The following PRDM16 variants were observed in gnomAD, a reference collection of about 807,000 sequenced individuals.
PRDM16 encodes PR/SET domain 16, also known as histone-lysine N-methyltransferase PRDM16.
Under a neutral mutation model 110.6 loss-of-function variants are expected in PRDM16, and 23 were observed. That is an observed-to-expected ratio of 0.21 (90% CI 0.15 to 0.29). PRDM16 has a LOEUF of 0.29. Among genes scored for constraint, PRDM16 ranks in the 10% least tolerant of loss-of-function variants. PRDM16 has a pLI of 1.00. For missense variants in PRDM16, 1,615 were observed against 1,794.3 expected, an observed-to-expected ratio of 0.90 and a Z score of 1.81; for synonymous variants, 799 against 781.8, an observed-to-expected ratio of 1.02 and a Z score of -0.37.
chr1:3,259,581 C>G (rs1227196470), intron 3 of PRDM16, among the ~76,000 whole-genome samples: 1 of 152,332 alleles, frequency 6.6e-6, no homozygotes, highest in African/African-American at 2.4e-5. Context: ...AGCGGCAAAT[C>G]AGGCCCCCCC....
chr1:3,136,568 C>T (rs1643443781), intron 1 of PRDM16, among the ~76,000 whole-genome samples: 1 of 152,176 alleles, frequency 6.6e-6, no homozygotes, highest in Admixed American at 6.5e-5. Flanking sequence ...GGGCTCTGGG[C>T]CAGCTCCAAG....
At position 3,175,676 on chromosome 1, in the gene PRDM16, C is replaced by T. The variant is rs948416581; in HGVS notation, c.38-10449C>T. On this transcript the variant is annotated intron_variant, in intron 1 of 16. Coordinates refer to ENST00000270722, the MANE Select transcript of PRDM16 (RefSeq NM_022114.4). This position sits in a 1 kb window ranked among gnomAD's most constrained non-coding sequence, Gnocchi z 4.8. ...ACAGCTCCGGCCAAGTCCCAGAACT[C>T]AGACCTGCCCACCCGCCACATGGGT... is the stretch of plus-strand genomic sequence containing the variant. Among the ~76,000 whole-genome samples the T allele has an allele frequency of 6.6e-6, 1 of 152,192 alleles. No individual in the cohort carries two copies. The highest frequency in any genetic ancestry group is 1.5e-5 in the Non-Finnish European group (1 of 68,036).
intron 3 of PRDM16, among the ~76,000 whole-genome samples, chr1:3,254,839 G>A (rs966864010): frequency 1.1e-4 from 17 of 152,134 alleles, no homozygotes; most frequent in East Asian, 1.9e-4. Context: ...AAAAGAGCCC[G>A]CATCTCCAAG....
rs560912941 is a variant in PRDM16 at position 3,204,943 on chromosome 1, A to G, written c.387+18469A>G. ...AATGTGCTCCGAACGGGGAGCTGGG[A>G]AGGCCCCGCGGGATTGTTATCGAAT... is the stretch of plus-strand genomic sequence containing the variant. On this transcript the variant is annotated intron_variant, in intron 2 of 16. Transcript: ENST00000270722. Among the ~76,000 whole-genome samples, 13 of 152,260 alleles carry G rather than the reference A, an allele frequency of 8.5e-5. No individual in the cohort carries two copies. The South Asian group carries it at 2.7e-3, about 32-fold the overall frequency.
At chr1:3,414,064 G>A (rs1354980659) in intron 9 of PRDM16, among the ~76,000 whole-genome samples, 1 of 152,216 alleles carries the variant, frequency 6.6e-6, no homozygotes, top group Non-Finnish European at 1.5e-5. Flanking sequence ...CAGAGAAGGA[G>A]CGGAGGAGGC....
At chr1:3,416,317 C>A (rs1009014451) in intron 10 of PRDM16, among the ~76,000 whole-genome samples, 3 of 152,162 alleles carry the variant, frequency 2.0e-5, no homozygotes, top group African/African-American at 4.8e-5. Flanking sequence ...GCCAGATGCC[C>A]GGCACTCGGA....
chr1:3,331,299 C>CCG (rs923122743), intron 3 of PRDM16, among the ~76,000 whole-genome samples: 3 of 152,106 alleles, frequency 2.0e-5, no homozygotes, highest in African/African-American at 7.2e-5. Flanking sequence ...AGGCAGCCCC[C>CCG]CCCCGGCACA....
At chr1:3,405,921 G>A (rs1161730537) in intron 8 of PRDM16, among the ~76,000 whole-genome samples, 1 of 152,222 alleles carries the variant, frequency 6.6e-6, no homozygotes, top group African/African-American at 2.4e-5. Flanking sequence ...GGGGGCAGTG[G>A]GTGATGGGAG....
intron 3 of PRDM16, among the ~76,000 whole-genome samples, chr1:3,336,310 CTGTT>C (rs1429881434): frequency 1.1e-3 from 174 of 152,174 alleles, no homozygotes; most frequent in African/African-American, 3.9e-3. Context: ...GTGTCTGTGG[CTGTT>C]TGTGTACATG....
intron 2 of PRDM16, among the ~76,000 whole-genome samples, chr1:3,188,014 C>G (rs932901899): frequency 6.6e-6 from 1 of 152,172 alleles, no homozygotes; most frequent in Non-Finnish European, 1.5e-5. Context: ...CTGGCCAGGG[C>G]CAGGGGCCCC....
At chr1:3,341,115 C>T (rs1458685432) in intron 3 of PRDM16, among the ~76,000 whole-genome samples, 1 of 151,400 alleles carries the variant, frequency 6.6e-6, no homozygotes, top group East Asian at 1.9e-4. Flanking sequence ...CCCCTCTGAG[C>T]CCTCGTTTCT....
chr1:3,104,285 C>T (rs767099564), intron 1 of PRDM16, among the ~76,000 whole-genome samples: 1 of 152,186 alleles, frequency 6.6e-6, no homozygotes, highest in African/African-American at 2.4e-5. Context: ...CAGAGGCAGC[C>T]CAAGACCTGC....
intron 11 of PRDM16, 65 bp from the exon 12 acceptor site, chr1:3,418,602 C>T: frequency 9.0e-7 from 1 of 1,112,866 alleles, no homozygotes. Flanking sequence ...GAAACCATTT[C>T]TGGGAAATGG....
At chr1:3,291,209 C>A (rs1411793461) in intron 3 of PRDM16, among the ~76,000 whole-genome samples, 1 of 152,140 alleles carries the variant, frequency 6.6e-6, no homozygotes, top group Non-Finnish European at 1.5e-5. Flanking sequence ...AATAACACTG[C>A]CTCAGAGACT....
chr1:3,203,165 G>A (rs4308918), intron 2 of PRDM16, among the ~76,000 whole-genome samples: 24,457 of 152,148 alleles, frequency 0.16, 3,425 homozygotes, highest in African/African-American at 0.38. Flanking sequence ...GAACCTCGTC[G>A]TCTGTTGCTT....
At chr1:3,419,306 G>C (rs1207701548) in intron 12 of PRDM16, among the ~76,000 whole-genome samples, 1 of 152,226 alleles carries the variant, frequency 6.6e-6, no homozygotes, top group African/African-American at 2.4e-5. Flanking sequence ...TCTGCTTCCA[G>C]GATCCCCCCG....
At chr1:3,277,173 G>A (rs919719519) in intron 3 of PRDM16, among the ~76,000 whole-genome samples, 2 of 152,192 alleles carry the variant, frequency 1.3e-5, no homozygotes, top group East Asian at 1.9e-4. Context: ...AGGAGGCTTC[G>A]GGAGAGGCTG....
In PRDM16 at chr1:3,385,227, A is replaced by G; in HGVS notation, c.514A>G (p.Ile172Val). 6.2e-7 allele frequency: 1 copy of G among 1,613,688 alleles called. No individual in the cohort carries two copies. The highest frequency in any genetic ancestry group is 1.3e-5 in the African/African-American group (1 of 75,032). ...QAGAGSWLKYIRVACSCDDQN... is the reference protein window; with the variant it reads ...QAGAGSWLKYVRVACSCDDQN... ...GGGGGCTGGCAGCTGGCTCAAGTAC[A>G]TCCGTGTGGCGTGCTCCTGCGATGA... is the stretch of plus-strand genomic sequence containing the variant. Residue 172 changes from isoleucine to valine, a missense_variant, in exon 4 of 17, where the codon ATC becomes GTC. Transcript: ENST00000270722.
At chr1:3,162,929 G>A (rs1643912643) in intron 1 of PRDM16, among the ~76,000 whole-genome samples, 1 of 139,808 alleles carries the variant, frequency 7.2e-6, no homozygotes, top group Admixed American at 7.2e-5. Context: ...CTTTGGGAGA[G>A]GGGATGTGCG....
Sources: allele counts gnomAD v4.1 joint callset (sites outside exome capture counted in the v4.1 genomes callset), GRCh38; gene constraint gnomAD v4.1.1; non-coding constraint Gnocchi (gnomAD v3.1); transcripts MANE v1.5; gene names NCBI Gene and HGNC (gene_info 2026-07-23, HGNC 2026-07-21).